Variants in CSMD1 observed in about 807,000 individuals in gnomAD.
CSMD1 encodes the protein CUB and Sushi multiple domains 1.
In CSMD1, 213 loss-of-function variants were observed where a neutral mutation model predicts 417.5. The observed-to-expected ratio is 0.51, with a 90% CI of 0.46 to 0.57. The LOEUF is 0.57. Ranked by LOEUF, CSMD1 falls within the 20% of genes least tolerant of loss-of-function variation. The pLI is 0.00. For missense variants in CSMD1, 6,923 were observed against 4,529.7 expected (o/e 1.53, Z -15.17); for synonymous variants, 2,862 against 1,736.8 (o/e 1.65, Z -16.11).
intron 1 of CSMD1, among the ~76,000 whole-genome samples, chr8:4,721,173 T>C (rs930406783): frequency 6.6e-6 from 1 of 152,192 alleles, no homozygotes; most frequent in Non-Finnish European, 1.5e-5. Flanking sequence ...CAAATTAAAC[T>C]ATTGCGATCC....
intron 7 of CSMD1, among the ~76,000 whole-genome samples, chr8:3,637,706 G>A (rs547073705): frequency 1.8e-4 from 28 of 152,266 alleles, no homozygotes; most frequent in African/African-American, 6.5e-4. Context: ...CTGGCATACA[G>A]GTGTTAAGTA....
At chr8:2,982,153 C>T (rs2721297) in intron 54 of CSMD1, among the ~76,000 whole-genome samples, 1,722 of 152,146 alleles carry the variant, frequency 0.011, 22 homozygotes, top group Middle Eastern at 0.024. Flanking sequence ...GTCAAGAGTT[C>T]GAGACCAGCC....
chr8:2,948,093 T>G (rs1029668111), intron 68 of CSMD1, among the ~76,000 whole-genome samples: 24 of 152,220 alleles, frequency 1.6e-4, no homozygotes, highest in African/African-American at 5.8e-4. Context: ...GGTAATATTC[T>G]TCTTTATAGT....
chr8:3,223,893 A>G (rs916318713), intron 27 of CSMD1, 26 bp from the exon 28 acceptor site: 2 of 1,612,742 alleles, frequency 1.2e-6, no homozygotes, highest in East Asian at 2.2e-5. Flanking sequence ...AGTTACAGAG[A>G]AAAAGTAAGG....
intron 10 of CSMD1, among the ~76,000 whole-genome samples, chr8:3,523,543 C>G (rs899477162): frequency 1.3e-5 from 2 of 151,506 alleles, no homozygotes; most frequent in African/African-American, 2.4e-5. Flanking sequence ...ACACGCACAC[C>G]CAGACACATG....
At chr8:4,375,551 T>C (rs1051747444) in intron 3 of CSMD1, among the ~76,000 whole-genome samples, 2 of 152,136 alleles carry the variant, frequency 1.3e-5, no homozygotes, top group African/African-American at 4.8e-5. Context: ...TTAGCCCACT[T>C]CTTACTAACA....
At chr8:3,162,326 T>C (rs1328366367) in intron 37 of CSMD1, 49 bp from the exon 38 acceptor site, 1 of 1,238,516 alleles carries the variant, frequency 8.1e-7, no homozygotes, top group Non-Finnish European at 1.2e-6. Flanking sequence ...TAAACAATAT[T>C]CTTATCATTT....
intron 3 of CSMD1, among the ~76,000 whole-genome samples, chr8:4,204,210 G>T (rs995106086): frequency 6.6e-6 from 1 of 151,798 alleles, no homozygotes; most frequent in African/African-American, 2.4e-5. Flanking sequence ...TTTCAAAGTG[G>T]TTTTTCACAC....
chr8:4,298,069 G>T (rs6990402), intron 3 of CSMD1, among the ~76,000 whole-genome samples: 22 of 152,188 alleles, frequency 1.4e-4, no homozygotes, highest in African/African-American at 5.3e-4. Context: ...ACATGCTAGC[G>T]TCTCTCTGGT....
At chr8:3,187,511 T>A (rs1775087053) in intron 36 of CSMD1, among the ~76,000 whole-genome samples, 1 of 152,146 alleles carries the variant, frequency 6.6e-6, no homozygotes, top group African/African-American at 2.4e-5. Flanking sequence ...TTTCCCAGAT[T>A]GCTTAATGTC....
At chr8:4,905,670 A>G (rs1805203045) in intron 1 of CSMD1, among the ~76,000 whole-genome samples, 1 of 151,806 alleles carries the variant, frequency 6.6e-6, no homozygotes, top group African/African-American at 2.4e-5. Flanking sequence ...CTACAAAAAA[A>G]TTAGCCGGGC....
intron 10 of CSMD1, among the ~76,000 whole-genome samples, chr8:3,541,766 T>C (rs967867052): frequency 2.0e-5 from 3 of 150,216 alleles, no homozygotes; most frequent in Admixed American, 1.3e-4. Context: ...AACAAAATAA[T>C]ATCAACTACA....
At chr8:4,256,088 T>G (rs1042684773) in intron 3 of CSMD1, among the ~76,000 whole-genome samples, 1 of 152,210 alleles carries the variant, frequency 6.6e-6, no homozygotes, top group Non-Finnish European at 1.5e-5. Context: ...CAAACGTAGG[T>G]GAATCCCAGA....
intron 5 of CSMD1, among the ~76,000 whole-genome samples, chr8:3,992,632 T>C (rs181216022): frequency 6.6e-6 from 1 of 152,212 alleles, no homozygotes; most frequent in East Asian, 1.9e-4. Flanking sequence ...AAAAATGTTT[T>C]AAAAATTAGC....
chr8:4,770,046 C>A (rs575331415), intron 1 of CSMD1, among the ~76,000 whole-genome samples: 66 of 151,890 alleles, frequency 4.3e-4, no homozygotes, highest in Non-Finnish European at 5.0e-4. Flanking sequence ...TTCTCCCATT[C>A]AGGAAATAAA....
chr8:3,689,603 T>C (rs1800128348), intron 7 of CSMD1, among the ~76,000 whole-genome samples: 1 of 152,194 alleles, frequency 6.6e-6, no homozygotes, highest in African/African-American at 2.4e-5. Context: ...CTTAGTCCAC[T>C]GAACAGAAAT....
intron 2 of CSMD1, among the ~76,000 whole-genome samples, chr8:4,553,925 A>C (rs146469835): frequency 6.6e-6 from 1 of 152,262 alleles, no homozygotes; most frequent in Non-Finnish European, 1.5e-5. Context: ...GTTCAGCTGG[A>C]ATTGACCTCA....
intron 5 of CSMD1, among the ~76,000 whole-genome samples, chr8:3,794,871 A>ATG (rs1554439809): frequency 6.6e-6 from 1 of 150,532 alleles, no homozygotes; most frequent in Non-Finnish European, 1.5e-5. Flanking sequence ...TTTACCAATG[A>ATG]TCTCTCTCTC....
rs183596130 is a variant in CSMD1 at position 3,588,002 on chromosome 8, A to G, written c.1098-1742T>C. 5.7e-3 allele frequency among the ~76,000 whole-genome samples: 870 copies of G among 152,222 alleles called. 21 individuals carry two copies. The highest frequency in any genetic ancestry group is 4.2e-3 in the Non-Finnish European group (289 of 68,020). On this transcript the variant is annotated intron_variant, in intron 8 of 69. Transcript: ENST00000635120. ...TTGCTAGCCATCACAGTTATTTAAG[A>G]TATCTGTAATTGTAGACATATTCTG...
Sources: allele counts gnomAD v4.1 joint callset (sites outside exome capture counted in the v4.1 genomes callset), GRCh38; gene constraint gnomAD v4.1.1; transcripts MANE v1.5; gene names NCBI Gene and HGNC (gene_info 2026-07-23, HGNC 2026-07-21).